The following GPATCH2 variants were observed in gnomAD, a reference collection of about 807,000 sequenced individuals.
GPATCH2 encodes the protein G-patch domain containing 2.
Under a neutral mutation model 58.0 loss-of-function variants are expected in GPATCH2, and 51 were observed. That is an observed-to-expected ratio of 0.88 (90% CI 0.70 to 1.11). GPATCH2 has a LOEUF of 1.11. Ranked by LOEUF, GPATCH2 falls within the 50% of genes most tolerant of loss-of-function variation. The probability of loss-of-function intolerance (pLI) is 0.00; values close to 1 mark genes in which losing one functional copy is unlikely to be tolerated. For missense variants in GPATCH2, 625 were observed against 652.2 expected (o/e 0.96, Z 0.45); for synonymous variants, 222 against 218.5 (o/e 1.02, Z -0.14).
intron 5 of GPATCH2, among the ~76,000 whole-genome samples, chr1:217,526,954 T>A (rs977519728): frequency 1.3e-5 from 2 of 152,240 alleles, no homozygotes; most frequent in Non-Finnish European, 2.9e-5. Flanking sequence ...TAATGCCTGA[T>A]GATCTGTCAC....
intron 5 of GPATCH2, among the ~76,000 whole-genome samples, chr1:217,536,053 T>A (rs1664444644): frequency 6.6e-6 from 1 of 152,184 alleles, no homozygotes; most frequent in Non-Finnish European, 1.5e-5. Flanking sequence ...AGCCCAATTT[T>A]AAAATTTTAT....
intron 5 of GPATCH2, among the ~76,000 whole-genome samples, chr1:217,550,272 T>C (rs1665282262): frequency 6.6e-6 from 1 of 152,102 alleles, no homozygotes; most frequent in Non-Finnish European, 1.5e-5. Context: ...TGTACATTCT[T>C]AACCAAAGAC....
At chr1:217,431,443 C>G (rs1658530662) in intron 9 of GPATCH2, 78 bp from the exon 10 acceptor site, 1 of 864,108 alleles carries the variant, frequency 1.2e-6, no homozygotes. Context: ...ACGATGTTCT[C>G]CTAAGTTTTG....
intron 5 of GPATCH2, among the ~76,000 whole-genome samples, 192 bp from the exon 6 acceptor site, chr1:217,515,081 A>G (rs958313594): frequency 1.3e-5 from 2 of 151,748 alleles, no homozygotes; most frequent in African/African-American, 4.8e-5. Flanking sequence ...GTTTTGGTCT[A>G]GTGTATTTCC....
Position 217,501,273 on chromosome 1 carries a change from A to G in GPATCH2, c.1167-2878T>C, listed in dbSNP as rs373743466. On this transcript the variant is annotated intron_variant, in intron 6 of 9. Coordinates refer to ENST00000366935, the MANE Select transcript of GPATCH2 (RefSeq NM_018040.5). ...GTCAGAGAAGTTGTTGCATGTATCA[A>G]TAGTTTATTCCTTTTAATTCTGAGC... 4.6e-5 allele frequency among the ~76,000 whole-genome samples: 7 copies of G among 152,274 alleles called. No individual in the cohort carries two copies. The East Asian group carries it at 9.6e-4, about 21-fold the overall frequency.
At chr1:217,457,018 T>G (rs1659974787) in intron 8 of GPATCH2, among the ~76,000 whole-genome samples, 1 of 152,222 alleles carries the variant, frequency 6.6e-6, no homozygotes, top group Non-Finnish European at 1.5e-5. Context: ...ATATTTTTTC[T>G]TACATTAAGC....
intron 5 of GPATCH2, among the ~76,000 whole-genome samples, chr1:217,573,477 C>T (rs956003543): frequency 3.3e-5 from 5 of 152,158 alleles, no homozygotes; most frequent in Non-Finnish European, 7.3e-5. Flanking sequence ...AGTTGAATGT[C>T]ATCCCCTTTC....
At chr1:217,588,006 C>G (rs1667418275) in intron 5 of GPATCH2, among the ~76,000 whole-genome samples, 1 of 152,072 alleles carries the variant, frequency 6.6e-6, no homozygotes, top group South Asian at 2.1e-4. Context: ...GTTTCCTTTA[C>G]AGCAAGAATA....
intron 5 of GPATCH2, among the ~76,000 whole-genome samples, chr1:217,589,894 A>G (rs1432285572): frequency 1.3e-5 from 2 of 152,182 alleles, no homozygotes; most frequent in Non-Finnish European, 2.9e-5. Context: ...TCAATTAACT[A>G]TAATAGTGCT....
chr1:217,576,916 G>A (rs921486721), intron 5 of GPATCH2, among the ~76,000 whole-genome samples: 1 of 152,164 alleles, frequency 6.6e-6, no homozygotes, highest in African/African-American at 2.4e-5. Flanking sequence ...AAGCACTGGT[G>A]ATCATATTTT....
chr1:217,497,328 AG>A (rs1473062181), intron 7 of GPATCH2, among the ~76,000 whole-genome samples: 3 of 152,198 alleles, frequency 2.0e-5, no homozygotes, highest in Non-Finnish European at 4.4e-5. Context: ...CTGAATTCAT[AG>A]AAATAGTGGC....
Position 217,484,577 on chromosome 1 carries a change from T to TATATATATAG in GPATCH2, c.1277+7102_1277+7103insCTATATATAT, listed in dbSNP as rs1553328485. On this transcript the variant is annotated intron_variant, in intron 8 of 9. Transcript: ENST00000366935. ...TTATTTATATATATATATATATATA[T>TATATATATAG]GATGCACATATACACGTGTGCATAT... Among the ~76,000 whole-genome samples, 47 of 145,632 alleles carry TATATATATAG rather than the reference T, an allele frequency of 3.2e-4. 3 individuals are homozygous for TATATATATAG. The highest frequency in any genetic ancestry group is 1.1e-3 in the African/African-American group (45 of 39,988).
intron 5 of GPATCH2, among the ~76,000 whole-genome samples, chr1:217,547,326 G>A (rs1447834117): frequency 6.6e-6 from 1 of 150,806 alleles, no homozygotes; most frequent in Admixed American, 6.7e-5. Context: ...TCGCGCCACT[G>A]CACTCCAGCC....
At chr1:217,468,201 C>T (rs1283870942) in intron 8 of GPATCH2, among the ~76,000 whole-genome samples, 1 of 152,136 alleles carries the variant, frequency 6.6e-6, no homozygotes, top group African/African-American at 2.4e-5. Flanking sequence ...ATTAACACAG[C>T]ACTATTTTGC....
chr1:217,458,007 C>A (rs192207742), intron 8 of GPATCH2, among the ~76,000 whole-genome samples: 1 of 152,236 alleles, frequency 6.6e-6, no homozygotes, highest in Non-Finnish European at 1.5e-5. Flanking sequence ...GCGGGCGGAC[C>A]ACGAAGTCAG....
chr1:217,606,933 C>T (rs566430553), intron 5 of GPATCH2, among the ~76,000 whole-genome samples: 3 of 152,076 alleles, frequency 2.0e-5, no homozygotes, highest in South Asian at 2.1e-4. Flanking sequence ...AAAAACCTGA[C>T]GACACTTATG....
chr1:217,568,139 C>CA (rs1666350273), intron 5 of GPATCH2, among the ~76,000 whole-genome samples: 2 of 151,804 alleles, frequency 1.3e-5, no homozygotes, highest in Non-Finnish European at 2.9e-5. Flanking sequence ...AAAACAACAA[C>CA]AAAAAAACCC....
At chr1:217,451,085 A>G (rs1251523723) in intron 8 of GPATCH2, among the ~76,000 whole-genome samples, 3 of 152,176 alleles carry the variant, frequency 2.0e-5, no homozygotes, top group Non-Finnish European at 2.9e-5. Flanking sequence ...GAAAGAAAAC[A>G]TAAATATGTG....
At chr1:217,524,592 A>C (rs1196590838) in intron 5 of GPATCH2, among the ~76,000 whole-genome samples, 1 of 150,916 alleles carries the variant, frequency 6.6e-6, no homozygotes, top group African/African-American at 2.4e-5. Flanking sequence ...AGTGAAGGAG[A>C]CTCCGTCTGC....
Sources: gnomAD v4.1 joint callset for allele counts (sites outside exome capture counted in the v4.1 genomes callset) on GRCh38, gnomAD v4.1.1 for gene constraint, MANE v1.5 for transcripts, NCBI Gene and HGNC (gene_info 2026-07-23, HGNC 2026-07-21) for gene names.